The following CTDP1 variants were observed in gnomAD, a reference collection of about 807,000 sequenced individuals.
CTDP1 encodes the protein RNA polymerase II subunit A C-terminal domain phosphatase.
A neutral mutation model predicts 91.8 loss-of-function variants in CTDP1; 47 were observed. The observed-to-expected ratio is 0.51, with a 90% confidence interval of 0.41 to 0.65. The LOEUF is 0.65. Among genes scored for constraint, CTDP1 ranks in the 30% least tolerant of loss-of-function variants. The pLI is 0.00. For missense variants in CTDP1, 1,272 were observed against 1,373.7 expected, an observed-to-expected ratio of 0.93 and a Z score of 1.17; for synonymous variants, 656 against 598.5, an observed-to-expected ratio of 1.10 and a Z score of -1.40.
chr18:79,748,894 T>G (rs114571341), intron 12 of CTDP1, among the ~76,000 whole-genome samples: 3 of 83,256 alleles, frequency 3.6e-5, no homozygotes, highest in Non-Finnish European at 6.8e-5. Flanking sequence ...GTCTGTGTGT[T>G]TGCCGTGTCT....
chr18:79,753,433 G>C (rs2087039422), intron 12 of CTDP1, among the ~76,000 whole-genome samples: 1 of 152,248 alleles, frequency 6.6e-6, no homozygotes, highest in African/African-American at 2.4e-5. Context: ...TGGTGTCCTG[G>C]TGTGTAACAG....
intron 1 of CTDP1, among the ~76,000 whole-genome samples, chr18:79,687,832 T>G (rs2085537039): frequency 6.6e-6 from 1 of 152,200 alleles, no homozygotes. Flanking sequence ...GCAAGGACTT[T>G]CCTTGCAGGT....
intron 11 of CTDP1, among the ~76,000 whole-genome samples, chr18:79,732,166 T>G (rs1706796123): frequency 6.7e-6 from 1 of 148,196 alleles, no homozygotes; most frequent in Admixed American, 6.7e-5. Flanking sequence ...TCAGGAGTGC[T>G]CCCAAAATCA....
chr18:79,696,758 G>A (rs920824497), intron 3 of CTDP1, among the ~76,000 whole-genome samples: 16 of 152,150 alleles, frequency 1.1e-4, no homozygotes, highest in Non-Finnish European at 1.8e-4. Context: ...CGAGTGCTAC[G>A]CCTCGTTTAT....
Position 79,713,188 on chromosome 18 carries a change from G to C in CTDP1, c.1030+50G>C. 6.4e-7 allele frequency: 1 copy of C among 1,558,860 alleles called. No homozygotes were observed. The highest frequency in any genetic ancestry group is 8.8e-7 in the Non-Finnish European group (1 of 1,137,046). On this transcript the variant is annotated intron_variant, in intron 7 of 12. Transcript: ENST00000613122. The surrounding 1 kb of genome is among the most constrained non-coding windows in gnomAD (Gnocchi z 4.7). ...CTAGAAGAATTCACATTTGCTTATT[G>C]TTTAGCTCTTCTTATTTCTTATCTC...
In CTDP1 at chr18:79,713,525, C is replaced by T. The variant is rs1209937735; in HGVS notation, c.1030+387C>T. 2.6e-5 allele frequency among the ~76,000 whole-genome samples: 4 copies of T among 152,200 alleles called. No individual in the cohort carries two copies. The highest frequency in any genetic ancestry group is 1.3e-4 in the Admixed American group (2 of 15,280). ...CTGCGGGGAATAACCGTTCCCCATGCGCAGTGGTCAGGCTGGGCGCTGGCT... is the reference window on the plus strand; with the variant it reads ...CTGCGGGGAATAACCGTTCCCCATGTGCAGTGGTCAGGCTGGGCGCTGGCT... On this transcript the variant is annotated intron_variant, in intron 7 of 12. Transcript: ENST00000613122. This position sits in a 1 kb window ranked among gnomAD's most constrained non-coding sequence, Gnocchi z 4.7.
chr18:79,755,546 T>G (rs1190748978), downstream of CTDP1: 2 of 149,276 alleles, frequency 1.3e-5, no homozygotes, highest in Admixed American at 6.7e-5. Context: ...TGCCGGGGGG[T>G]GGGGGCAGGG....
At chr18:79,718,168 C>T (rs1353267897) in intron 10 of CTDP1, 152 bp downstream of exon 10, 3 of 892,136 alleles carry the variant, frequency 3.4e-6, no homozygotes, top group South Asian at 2.9e-5. Flanking sequence ...GGAGCGCCGC[C>T]CCCGCTTGCA....
intron 12 of CTDP1, among the ~76,000 whole-genome samples, chr18:79,750,505 C>A (rs1568223601): frequency 6.7e-6 from 1 of 149,014 alleles, no homozygotes; most frequent in Admixed American, 6.7e-5. Flanking sequence ...CTTTTTTTTT[C>A]CCCCCCGAGA....
intron 4 of CTDP1, among the ~76,000 whole-genome samples, chr18:79,700,664 G>A (rs771539399): frequency 2.0e-5 from 3 of 152,172 alleles, no homozygotes; most frequent in Non-Finnish European, 4.4e-5. Flanking sequence ...GAGAAACTGC[G>A]GCAAGTTCCC....
In CTDP1 at chr18:79,679,922, G is replaced by C. The variant is rs755749987; in HGVS notation, c.-26G>C. 2 of 1,378,998 alleles carry C rather than the reference G, an allele frequency of 1.5e-6. No individual in the cohort carries two copies. Among genetic ancestry groups the C allele is most frequent in the Non-Finnish European group, 1.9e-6 (2 of 1,062,666 alleles). The allele number at this position is 1,378,998 out of a possible 1,614,324, so 85.4% of individuals were successfully genotyped here. On this transcript the variant is annotated 5_prime_UTR_variant, in exon 1 of 13. Coordinates refer to ENST00000613122, the MANE Select transcript of CTDP1 (RefSeq NM_004715.5). ...CTGAGCGCAGCGCAGGCCCCGTACCGACCGCCCGCCCGCCCTCTGTCCGCG... is the reference window on the plus strand; with the variant it reads ...CTGAGCGCAGCGCAGGCCCCGTACCCACCGCCCGCCCGCCCTCTGTCCGCG...
chr18:79,707,295 C>T lies in CTDP1; in HGVS notation c.772+2378C>T, dbSNP rs141424549. On this transcript the variant is annotated intron_variant, in intron 5 of 12. Transcript: ENST00000613122. ...GTGTGGTGAGAGATGAAGCAGGTGA[C>T]GAGAACGCCATGTTTCTTTATCAGC... Among the ~76,000 whole-genome samples the T allele has an allele frequency of 6.6e-5, 10 of 152,288 alleles. No individual in the cohort carries two copies. In the East Asian group the frequency reaches 1.2e-3, roughly 18 times the overall value.
In CTDP1 at chr18:79,704,796, T is replaced by C; in HGVS notation, c.651T>C (p.Gly217=). 1 of 1,613,884 alleles carries C rather than the reference T, an allele frequency of 6.2e-7. No homozygotes were observed. The highest frequency in any genetic ancestry group is 8.5e-7 in the Non-Finnish European group (1 of 1,180,030). The part of the protein sequence containing the change: ...KGIFHFQLGR[G]EPMLHTRLRP... ...TCTTTCACTTCCAGCTGGGCCGGGG[T>C]GAGCCCATGCTGCACACGCGCCTGC... Residue 217 remains glycine, a synonymous_variant, in exon 5 of 13, where the codon GGT becomes GGC. Coordinates refer to ENST00000613122, the MANE Select transcript of CTDP1 (RefSeq NM_004715.5).
At position 79,753,907 on chromosome 18, in the gene CTDP1, G is replaced by T; in HGVS notation, c.*117G>T. On this transcript the variant is annotated 3_prime_UTR_variant, in exon 13 of 13. Transcript: ENST00000613122. ...TTCTTCCCAAAGGACATGTATATTTGCAGAGCTCCACATACAGAAACACAT... is the reference window on the plus strand; with the variant it reads ...TTCTTCCCAAAGGACATGTATATTTTCAGAGCTCCACATACAGAAACACAT... 2 of 1,361,346 alleles carry T rather than the reference G, an allele frequency of 1.5e-6. No homozygotes were observed. The highest frequency in any genetic ancestry group is 1.0e-6 in the Non-Finnish European group (1 of 983,564). The allele number at this position is 1,361,346 out of a possible 1,614,324, so 84.3% of individuals were successfully genotyped here.
Position 79,753,655 on chromosome 18 carries a change from C to G in CTDP1, c.2751C>G (p.Gly917=), listed in dbSNP as rs768096439. 6.2e-7 allele frequency: 1 copy of G among 1,614,156 alleles called. No individual in the cohort carries two copies. The highest frequency in any genetic ancestry group is 8.5e-7 in the Non-Finnish European group (1 of 1,180,000). The part of the protein sequence containing the change: ...RSAAGGRGPR[G]HKRKLNEEDA... ...CACCATGTTTGCTTCTCTGCAGAGG[C>G]CACAAGAGGAAGCTGAATGAAGAGG... Residue 917 remains glycine (G), a synonymous_variant, in exon 13 of 13, where the codon GGC becomes GGG. Coordinates refer to ENST00000613122, the MANE Select transcript of CTDP1 (RefSeq NM_004715.5).
chr18:79,684,966 CTG>C (rs1568170975), intron 1 of CTDP1, among the ~76,000 whole-genome samples: 15 of 144,816 alleles, frequency 1.0e-4, no homozygotes, highest in African/African-American at 2.7e-4. Flanking sequence ...CCCGGTTTCT[CTG>C]CGGTGCTCCT....
At position 79,714,719 on chromosome 18, in the gene CTDP1, C is replaced by T; in HGVS notation, c.1259C>T (p.Ala420Val). The T allele has an allele frequency of 3.1e-6, 5 of 1,605,200 alleles. No individual in the cohort carries two copies. The highest frequency in any genetic ancestry group is 2.5e-6 in the Non-Finnish European group (3 of 1,176,508). The part of the protein sequence containing the change: ...AQAPTSSQEL[A>V]GAPEPQGSCA... Reference sequence around the variant, plus strand: ...GCCCCCACCAGCAGCCAAGAGCTGGCAGGCGCTCCTGAGCCCCAGGGATCC... The same window carrying T: ...GCCCCCACCAGCAGCCAAGAGCTGGTAGGCGCTCCTGAGCCCCAGGGATCC... The change falls in exon 8 of 13, where the codon GCA becomes GTA. Residue 420 changes from alanine to valine, a missense_variant. By Grantham distance (64) the Ala-to-Val change is moderately conservative. Transcript: ENST00000613122.
intron 12 of CTDP1, among the ~76,000 whole-genome samples, chr18:79,747,675 C>T (rs1038791841): frequency 2.0e-5 from 3 of 152,376 alleles, no homozygotes; most frequent in East Asian, 1.9e-4. Flanking sequence ...GGAAATTATC[C>T]GCCATGCGCA....
intron 12 of CTDP1, among the ~76,000 whole-genome samples, chr18:79,742,960 C>T (rs570694671): frequency 1.3e-5 from 2 of 152,260 alleles, no homozygotes; most frequent in African/African-American, 4.8e-5. Flanking sequence ...TGTCACAAAA[C>T]GAAATAAAAC....
Sources: gnomAD v4.1 joint callset for allele counts (sites outside exome capture counted in the v4.1 genomes callset) on GRCh38, gnomAD v4.1.1 for gene constraint, Gnocchi (gnomAD v3.1) non-coding constraint, MANE v1.5 for transcripts, NCBI Gene and HGNC (gene_info 2026-07-23, HGNC 2026-07-21) for gene names.